Variants in KIAA1217 observed in about 807,000 individuals in gnomAD.
The protein encoded by KIAA1217 is sickle tail protein homolog.
A neutral mutation model predicts 163.9 loss-of-function variants in KIAA1217; 88 were observed. The observed-to-expected ratio is 0.54, with a 90% CI of 0.45 to 0.64. The LOEUF (loss-of-function observed/expected upper bound fraction) is 0.64, where lower values mean the gene tolerates loss of function less well. KIAA1217 is among the 30% of genes least tolerant of loss of function. The pLI, the probability that KIAA1217 is intolerant of heterozygous loss-of-function variation, is 0.00. For missense variants in KIAA1217, 2,372 were observed against 2,475.0 expected (o/e 0.96, Z 0.88); for synonymous variants, 903 against 923.1 (o/e 0.98, Z 0.39).
At chr10:23,853,273 A>G (rs1219030856) in intron 1 of KIAA1217, among the ~76,000 whole-genome samples, 1 of 152,184 alleles carries the variant, frequency 6.6e-6, no homozygotes, top group Non-Finnish European at 1.5e-5. Context: ...TGAGATAATC[A>G]TGCGGTTTTT....
chr10:24,063,619 G>A (rs966973848), intron 2 of KIAA1217, among the ~76,000 whole-genome samples: 1 of 152,176 alleles, frequency 6.6e-6, no homozygotes, highest in Non-Finnish European at 1.5e-5. Context: ...ACTTGGCAAT[G>A]TGGGCTCTTT....
Position 24,543,629 on chromosome 10 carries a change from C to T in KIAA1217, c.4359C>T (p.Ile1453=). The T allele has an allele frequency of 1.2e-6, 2 of 1,614,066 alleles. No homozygotes were observed. Among genetic ancestry groups the T allele is most frequent in the Non-Finnish European group, 1.7e-6 (2 of 1,180,014 alleles). The change falls in exon 19 of 21, where the codon ATC becomes ATT. Residue 1453 remains isoleucine, a synonymous_variant. Coordinates refer to ENST00000376454, the MANE Select transcript of KIAA1217 (RefSeq NM_019590.5). ...VIIIFDEPMD[I]RSAYKRLSTI... is the part of the protein sequence containing the mutation. Reference sequence around the variant, plus strand: ...TCATTTTCGATGAGCCCATGGACATCCGGTCTGCCTATAAGAGACTTTCAA... The same window carrying T: ...TCATTTTCGATGAGCCCATGGACATTCGGTCTGCCTATAAGAGACTTTCAA...
chr10:23,760,365 C>T (rs1834194606), intron 1 of KIAA1217, among the ~76,000 whole-genome samples: 1 of 152,158 alleles, frequency 6.6e-6, no homozygotes, highest in African/African-American at 2.4e-5. Context: ...AGGCTTTTCC[C>T]TCAGGCTTTC....
intron 1 of KIAA1217, among the ~76,000 whole-genome samples, chr10:23,807,696 T>A (rs1225396992): frequency 6.6e-6 from 1 of 152,064 alleles, no homozygotes; most frequent in Non-Finnish European, 1.5e-5. Flanking sequence ...CACAGCCACA[T>A]CAAAAAAGTA....
intron 2 of KIAA1217, among the ~76,000 whole-genome samples, chr10:24,192,372 A>T (rs2066763352): frequency 6.6e-6 from 1 of 152,120 alleles, no homozygotes; most frequent in South Asian, 2.1e-4. Context: ...GTGGGAAAGG[A>T]TAAGGGGAAA....
At chr10:24,465,570 A>G (rs373209433) in intron 5 of KIAA1217, among the ~76,000 whole-genome samples, 4 of 152,358 alleles carry the variant, frequency 2.6e-5, no homozygotes, top group African/African-American at 9.6e-5. Context: ...TTGTCACCGT[A>G]TTCCCACTTG....
chr10:24,131,477 G>T (rs1564736294), intron 2 of KIAA1217, among the ~76,000 whole-genome samples: 1 of 152,174 alleles, frequency 6.6e-6, no homozygotes, highest in Non-Finnish European at 1.5e-5. Flanking sequence ...ATGCATGGTT[G>T]AATGAACTTA....
intron 1 of KIAA1217, among the ~76,000 whole-genome samples, chr10:23,839,304 T>G (rs1011060261): frequency 6.6e-6 from 1 of 152,232 alleles, no homozygotes; most frequent in African/African-American, 2.4e-5. Flanking sequence ...AATCTTGTAG[T>G]AGACCTTTTT....
At chr10:24,328,349 G>A (rs569755933) in intron 2 of KIAA1217, among the ~76,000 whole-genome samples, 3 of 152,204 alleles carry the variant, frequency 2.0e-5, no homozygotes, top group Admixed American at 2.0e-4. Context: ...CATGGGTGAG[G>A]GGTCTGACAA....
At chr10:24,520,056 C>A in intron 10 of KIAA1217, 67 bp from the exon 11 acceptor site, 1 of 1,522,490 alleles carries the variant, frequency 6.6e-7, no homozygotes, top group Non-Finnish European at 8.9e-7. Flanking sequence ...GACGGGCACT[C>A]GGCCCCTCCT....
intron 1 of KIAA1217, among the ~76,000 whole-genome samples, chr10:23,724,820 A>G (rs1182401928): frequency 2.0e-5 from 3 of 152,190 alleles, no homozygotes; most frequent in Non-Finnish European, 4.4e-5. Flanking sequence ...GCTTTAATTA[A>G]TTGTCATTGA....
chr10:24,362,686 T>C (rs1333287909), intron 2 of KIAA1217, among the ~76,000 whole-genome samples: 1 of 152,194 alleles, frequency 6.6e-6, no homozygotes, highest in Non-Finnish European at 1.5e-5. Flanking sequence ...TTTGACTCTA[T>C]GTAAAGTGAC....
intron 2 of KIAA1217, among the ~76,000 whole-genome samples, chr10:24,071,951 C>A (rs1385561028): frequency 6.6e-6 from 1 of 151,972 alleles, no homozygotes; most frequent in Non-Finnish European, 1.5e-5. Context: ...TGTACAGAAT[C>A]CTGGTTAGGA....
At chr10:24,159,283 TCAGCATTCTTTTAAAAAAAC>T (rs2065011754) in intron 2 of KIAA1217, among the ~76,000 whole-genome samples, 1 of 152,186 alleles carries the variant, frequency 6.6e-6, no homozygotes, top group Non-Finnish European at 1.5e-5. Flanking sequence ...TATTAAAAAA[TCAGCATTCTTTTAAAAAAAC>T]CTACTACTAC....
At chr10:23,724,878 G>T (rs1289988203) in intron 1 of KIAA1217, among the ~76,000 whole-genome samples, 1 of 152,142 alleles carries the variant, frequency 6.6e-6, no homozygotes, top group Non-Finnish European at 1.5e-5. Context: ...TCTTGACTTT[G>T]CCTTCATATT....
intron 2 of KIAA1217, among the ~76,000 whole-genome samples, chr10:24,075,147 C>G (rs954065315): frequency 2.0e-5 from 3 of 151,662 alleles, no homozygotes; most frequent in Non-Finnish European, 4.4e-5. Flanking sequence ...CACACACACA[C>G]ACACACACAC....
chr10:23,999,705 C>T (rs149396015), intron 1 of KIAA1217, among the ~76,000 whole-genome samples: 1 of 152,226 alleles, frequency 6.6e-6, no homozygotes, highest in African/African-American at 2.4e-5. Flanking sequence ...CCGCAATATT[C>T]AGTATAGAAG....
chr10:24,521,041 A>AATT (rs1592630294), intron 11 of KIAA1217, among the ~76,000 whole-genome samples: 1 of 136,504 alleles, frequency 7.3e-6, no homozygotes, highest in South Asian at 2.3e-4. Flanking sequence ...AAAAAAAAAA[A>AATT]GTTTTTTTTT....
intron 1 of KIAA1217, among the ~76,000 whole-genome samples, chr10:23,756,280 A>T (rs1403259166): frequency 6.6e-6 from 1 of 152,076 alleles, no homozygotes; most frequent in Non-Finnish European, 1.5e-5. Flanking sequence ...TATTTTAAAG[A>T]AGTATAAGGT....
Sources: gnomAD v4.1 joint callset for allele counts (sites outside exome capture counted in the v4.1 genomes callset) on GRCh38, gnomAD v4.1.1 for gene constraint, MANE v1.5 for transcripts, NCBI Gene and HGNC (gene_info 2026-07-23, HGNC 2026-07-21) for gene names.